RANBP9: variants seen among roughly 807,000 people sequenced by gnomAD.
RANBP9 encodes ran-binding protein 9.
In RANBP9, 15 loss-of-function variants were observed where a neutral mutation model predicts 84.3. That is an observed-to-expected ratio of 0.18 (90% CI 0.12 to 0.27). The LOEUF is 0.27. RANBP9 is among the 10% of genes least tolerant of loss of function. The probability of loss-of-function intolerance (pLI) is 1.00; values close to 1 mark genes in which losing one functional copy is unlikely to be tolerated. For synonymous variants in RANBP9, 392 were observed against 349.6 expected (o/e 1.12, Z -1.35); for missense variants, 809 against 912.8 (o/e 0.89, Z 1.46).
intron 3 of RANBP9, 95 bp from the exon 4 acceptor site, chr6:13,657,371 G>C (rs2127770435): frequency 1.0e-6 from 1 of 952,452 alleles, no homozygotes; most frequent in South Asian, 3.0e-5. Context: ...AACAGTACAA[G>C]ATAATATAAA....
intron 12 of RANBP9, among the ~76,000 whole-genome samples, chr6:13,627,927 T>TATGTAACA (rs1245275761): frequency 6.6e-6 from 1 of 152,112 alleles, no homozygotes; most frequent in Non-Finnish European, 1.5e-5. Flanking sequence ...CACGTTTACC[T>TATGTAACA]ATGTAACAAA....
chr6:13,677,856 G>T (rs946512295), intron 2 of RANBP9, among the ~76,000 whole-genome samples: 6 of 152,154 alleles, frequency 3.9e-5, no homozygotes, highest in African/African-American at 1.4e-4. Flanking sequence ...GGTGGCTCAA[G>T]CCTATAATCC....
chr6:13,695,580 C>T (rs554607197), intron 2 of RANBP9, among the ~76,000 whole-genome samples: 3 of 151,764 alleles, frequency 2.0e-5, no homozygotes, highest in African/African-American at 7.2e-5. Context: ...AATATGAGGT[C>T]AAGTTCATAT....
chr6:13,666,692 G>A (rs1420856765), intron 2 of RANBP9, among the ~76,000 whole-genome samples: 1 of 151,004 alleles, frequency 6.6e-6, no homozygotes, highest in African/African-American at 2.4e-5. Flanking sequence ...GAGCCTGAGA[G>A]GTCGAGGCTG....
intron 2 of RANBP9, among the ~76,000 whole-genome samples, chr6:13,676,290 A>AG (rs1765884423): frequency 1.3e-5 from 2 of 152,248 alleles, no homozygotes; most frequent in South Asian, 2.1e-4. Flanking sequence ...ACATATACTC[A>AG]GAAAAAAATA....
chr6:13,623,953 G>A (rs1177399584), intron 13 of RANBP9, among the ~76,000 whole-genome samples: 2 of 152,216 alleles, frequency 1.3e-5, no homozygotes, highest in African/African-American at 2.4e-5. Context: ...TTAAAGATTA[G>A]TATCATCTAA....
chr6:13,696,636 C>G (rs532097949), intron 2 of RANBP9, 149 bp downstream of exon 2: 4 of 572,020 alleles, frequency 7.0e-6, no homozygotes, highest in African/African-American at 1.9e-5. Context: ...TTAAGCATAA[C>G]CAGATCCAAT....
Position 13,622,289 on chromosome 6 carries a change from A to G in RANBP9, c.*73T>C. 1 of 1,347,838 alleles carries G rather than the reference A, an allele frequency of 7.4e-7. No individual in the cohort carries two copies. The highest frequency in any genetic ancestry group is 2.7e-5 in the East Asian group (1 of 37,720). 83.5% of individuals were successfully genotyped at this position (1,347,838 alleles called of 1,614,324 possible). ...ACATAATTTAAAAAATCTAAATTTC[A>G]AATCAGCAGAGCTGGTCTACTTCCA... is the stretch of plus-strand genomic sequence containing the variant. On this transcript the variant is annotated 3_prime_UTR_variant, in exon 14 of 14. Transcript: ENST00000011619.
intron 10 of RANBP9, 143 bp from the exon 11 acceptor site, chr6:13,634,695 T>A: frequency 2.3e-6 from 2 of 863,760 alleles, no homozygotes; most frequent in South Asian, 5.0e-5. Context: ...TTTAGTTAAA[T>A]CTTGAACGTA....
intron 4 of RANBP9, 95 bp downstream of exon 4, chr6:13,657,014 A>G (rs1765414321): frequency 4.2e-6 from 5 of 1,183,214 alleles, no homozygotes; most frequent in South Asian, 1.7e-5. Context: ...GCATCCATCT[A>G]TAAAGGAGAA....
intron 2 of RANBP9, among the ~76,000 whole-genome samples, chr6:13,670,932 T>C (rs564017276): frequency 2.0e-5 from 3 of 151,988 alleles, no homozygotes; most frequent in South Asian, 4.1e-4. Flanking sequence ...AAATCATATA[T>C]CTGATAGGGT....
At position 13,641,084 on chromosome 6, in the gene RANBP9, T is replaced by C; in HGVS notation, c.1334+115A>G. The C allele has an allele frequency of 6.7e-6, 4 of 596,924 alleles. No homozygotes were observed. The South Asian group carries it at 1.3e-4, about 20-fold the overall frequency. The allele number at this position is 596,924 out of a possible 1,614,324, so 37.0% of individuals were successfully genotyped here. A position where few individuals can be genotyped will look rare whatever the true frequency, so the allele number is the denominator to read the frequency against. ...TTAAATGACATTACAAAATTGTATA[T>C]ACTTGAAAAACGAAAAAAACTAAAA... On this transcript the variant is annotated intron_variant, in intron 8 of 13. Transcript: ENST00000011619.
intron 5 of RANBP9, 102 bp from the exon 6 acceptor site, chr6:13,644,831 A>T (rs1765145692): frequency 1.1e-6 from 1 of 943,774 alleles, no homozygotes; most frequent in Non-Finnish European, 1.5e-6. Context: ...AATTTACTTC[A>T]TATTTTAAAA....
chr6:13,710,526 G>A (rs79030841), intron 1 of RANBP9, among the ~76,000 whole-genome samples: 1 of 152,104 alleles, frequency 6.6e-6, no homozygotes, highest in Non-Finnish European at 1.5e-5. Context: ...TTCCCCCCTT[G>A]TAAGAGGAGA....
At chr6:13,705,868 C>CAAAAAAAAAAAAAAAAAAAAAAAAAAAAA (rs767070995) in intron 1 of RANBP9, among the ~76,000 whole-genome samples, 17 of 76,732 alleles carry the variant, frequency 2.2e-4, no homozygotes, top group South Asian at 9.6e-4. Flanking sequence ...GACTCCGTCT[C>CAAAAAAAAAAAAAAAAAAAAAAAAAAAAA]AAAAAAAAAA....
intron 8 of RANBP9, 91 bp from the exon 9 acceptor site, chr6:13,639,844 T>G: frequency 8.9e-7 from 1 of 1,125,650 alleles, no homozygotes; most frequent in Non-Finnish European, 1.2e-6. Context: ...TTTTAAAACT[T>G]TGATTTATCA....
chr6:13,711,242 G>GGGC lies in RANBP9; in HGVS notation c.261_263dup (p.Pro92dup), dbSNP rs1245574564. 1.4e-4 allele frequency: 136 copies of GGGC among 983,056 alleles called. No individual in the cohort carries two copies. Among genetic ancestry groups the GGGC allele is most frequent in the Admixed American group, 3.7e-4 (6 of 16,102 alleles). The allele number at this position is 983,056 out of a possible 1,614,324, so 60.9% of individuals were successfully genotyped here. A position where few individuals can be genotyped will look rare whatever the true frequency, so the allele number is the denominator to read the frequency against. On this transcript the variant is annotated inframe_insertion, in exon 1 of 14. Transcript: ENST00000011619. Reference sequence around the variant, plus strand: ...CAGCCGCTGAGGCAGGGGGAGGCGGGGGCGGCGGCGGGGGCGGCGGGGCCG... The same window carrying GGGC: ...CAGCCGCTGAGGCAGGGGGAGGCGGGGGCGGCGGCGGCGGGGGCGGCGGGGCCG...
intron 5 of RANBP9, among the ~76,000 whole-genome samples, chr6:13,649,349 A>G (rs1765242140): frequency 6.6e-6 from 1 of 152,034 alleles, no homozygotes; most frequent in Non-Finnish European, 1.5e-5. Flanking sequence ...AATAAACAAC[A>G]TGTCTACAAG....
intron 2 of RANBP9, among the ~76,000 whole-genome samples, chr6:13,664,441 G>C (rs946054017): frequency 6.8e-6 from 1 of 147,196 alleles, no homozygotes; most frequent in African/African-American, 2.5e-5. Context: ...ACAATCCAAA[G>C]CATAACCACA....
Sources: gnomAD v4.1 joint callset for allele counts (sites outside exome capture counted in the v4.1 genomes callset) on GRCh38, gnomAD v4.1.1 for gene constraint, MANE v1.5 for transcripts, NCBI Gene and HGNC (gene_info 2026-07-23, HGNC 2026-07-21) for gene names.